RPA1: variants seen among roughly 807,000 people sequenced by gnomAD.
RPA1 encodes replication protein A1.
RPA1 carries 49 observed loss-of-function variants against 83.0 expected under a neutral mutation model. That is an observed-to-expected ratio of 0.59 (90% CI 0.47 to 0.75). RPA1 has a LOEUF of 0.75. RPA1 is among the 30% of genes least tolerant of loss of function. The pLI is 0.00. For missense variants in RPA1, 693 were observed against 776.1 expected (o/e 0.89, Z 1.27); for synonymous variants, 279 against 281.8 (o/e 0.99, Z 0.10).
intron 12 of RPA1, among the ~76,000 whole-genome samples, chr17:1,880,998 C>G (rs562335172): frequency 1.3e-5 from 2 of 152,208 alleles, no homozygotes; most frequent in Non-Finnish European, 2.9e-5. Context: ...CTGAAGGCGC[C>G]TTTCTTTCCA....
In RPA1 at chr17:1,897,377, T is replaced by C; in HGVS notation, c.*202T>C. ...GCTCAGGTGGTTGTGGTGTAGACTG[T>C]GTCAGGCCTACGGAGTCAGCCAGTG... On this transcript the variant is annotated 3_prime_UTR_variant, in exon 17 of 17. Coordinates refer to ENST00000254719, the MANE Select transcript of RPA1 (RefSeq NM_002945.5). The C allele has an allele frequency of 1.9e-6, 1 of 531,922 alleles. No homozygotes were observed. The highest frequency in any genetic ancestry group is 3.3e-6 in the Non-Finnish European group (1 of 300,818). 33.0% of individuals were successfully genotyped at this position (531,922 alleles called of 1,614,324 possible).
intron 5 of RPA1, among the ~76,000 whole-genome samples, chr17:1,870,451 T>A (rs4494585): frequency 0.26 from 38,855 of 152,154 alleles, 5,855 homozygotes; most frequent in East Asian, 0.41. Flanking sequence ...GTCACATTTT[T>A]AAAAATTGTG....
intron 12 of RPA1, among the ~76,000 whole-genome samples, chr17:1,883,041 C>T (rs1056111068): frequency 2.0e-5 from 3 of 152,068 alleles, no homozygotes; most frequent in African/African-American, 7.2e-5. Flanking sequence ...GACTTTGGGC[C>T]AGGAGCAGTG....
chr17:1,853,032 A>T (rs557277873), intron 4 of RPA1, 69 bp from the exon 5 acceptor site: 1 of 1,206,190 alleles, frequency 8.3e-7, no homozygotes, highest in African/African-American at 1.5e-5. Context: ...CGGGGAAAGC[A>T]TTTTGAGTAG....
chr17:1,844,583 A>AT lies in RPA1; in HGVS notation c.170dup (p.Met57IlefsTer50), dbSNP rs746222977. 1 of 1,612,684 alleles carries AT rather than the reference A, an allele frequency of 6.2e-7. No individual in the cohort carries two copies. Among genetic ancestry groups the AT allele is most frequent in the South Asian group, 1.1e-5 (1 of 90,604 alleles). ...GAAATCTCTGTGGTTTTCAGCTTTC[A>AT]TGTTGGCGACACAGTTGAACCCTCT... On this transcript the variant is annotated frameshift_variant, in exon 4 of 17. Transcript: ENST00000254719. LOFTEE classifies it high-confidence loss of function.
chr17:1,871,910 A>G (rs571536330), intron 5 of RPA1, among the ~76,000 whole-genome samples: 1 of 152,158 alleles, frequency 6.6e-6, no homozygotes, highest in Non-Finnish European at 1.5e-5. Context: ...GTTGCAAAAT[A>G]AGGTTGCTTT....
At chr17:1,834,480 GAC>G (rs1159529702) in intron 1 of RPA1, among the ~76,000 whole-genome samples, 1 of 152,182 alleles carries the variant, frequency 6.6e-6, no homozygotes, top group African/African-American at 2.4e-5. Context: ...AACCTTTGCT[GAC>G]TTTCATTATC....
At chr17:1,877,735 C>T (rs1013859813) in intron 8 of RPA1, among the ~76,000 whole-genome samples, 2 of 152,106 alleles carry the variant, frequency 1.3e-5, no homozygotes, top group Non-Finnish European at 2.9e-5. Context: ...TTGTGAGCGC[C>T]GTGGAGCTTT....
intron 1 of RPA1, among the ~76,000 whole-genome samples, chr17:1,832,607 G>A (rs188671807): frequency 7.9e-4 from 120 of 151,894 alleles, no homozygotes; most frequent in African/African-American, 2.7e-3. Context: ...GGCTGGTCTC[G>A]AACTCCTGAC....
At chr17:1,837,180 G>A (rs1046926068) in intron 1 of RPA1, among the ~76,000 whole-genome samples, 2 of 152,030 alleles carry the variant, frequency 1.3e-5, no homozygotes, top group Non-Finnish European at 2.9e-5. Context: ...TGTTGTCCAG[G>A]ATGATCTTGA....
chr17:1,893,664 T>G (rs1914282339), intron 15 of RPA1, among the ~76,000 whole-genome samples: 1 of 152,190 alleles, frequency 6.6e-6, no homozygotes, highest in Non-Finnish European at 1.5e-5. Flanking sequence ...CTAATTCTTG[T>G]CTGTTTACCA....
At chr17:1,878,832 G>T (rs1913661795) in intron 8 of RPA1, among the ~76,000 whole-genome samples, 161 bp from the exon 9 acceptor site, 1 of 152,128 alleles carries the variant, frequency 6.6e-6, no homozygotes, top group East Asian at 1.9e-4. Flanking sequence ...GGGTTCCTGG[G>T]ATGTCCGTAG....
At chr17:1,841,009 GTGAGC>G (rs1912025628) in intron 1 of RPA1, among the ~76,000 whole-genome samples, 1 of 152,174 alleles carries the variant, frequency 6.6e-6, no homozygotes. Context: ...AGAGGTTGCA[GTGAGC>G]TGAGATTGCA....
rs542164642 is a variant in RPA1 at position 1,894,121 on chromosome 17, G to A, written c.1660-888G>A. ...TGGCCTCAAGCAGTCCTCCCACCTC[G>A]GTCTCCCAAAACATTGGGATTATAG... is the stretch of plus-strand genomic sequence containing the variant. On this transcript the variant is annotated intron_variant, in intron 15 of 16. Transcript: ENST00000254719. Among the ~76,000 whole-genome samples, 10 of 149,104 alleles carry A rather than the reference G, an allele frequency of 6.7e-5. 1 individual carries two copies. The highest frequency in any genetic ancestry group is 4.3e-4 in the South Asian group (2 of 4,698).
chr17:1,854,660 C>T (rs934767182), intron 5 of RPA1, among the ~76,000 whole-genome samples: 1 of 152,130 alleles, frequency 6.6e-6, no homozygotes, highest in South Asian at 2.1e-4. Flanking sequence ...GCTGTGATGG[C>T]ACCACTGCCC....
chr17:1,872,117 C>G (rs1347800599), intron 5 of RPA1: 1 of 337,654 alleles, frequency 3.0e-6, no homozygotes, highest in African/African-American at 2.1e-5. Context: ...GTCACAGATT[C>G]AACCCAGTGA....
chr17:1,869,254 C>G (rs183727029), intron 5 of RPA1, among the ~76,000 whole-genome samples: 1 of 152,050 alleles, frequency 6.6e-6, no homozygotes, highest in African/African-American at 2.4e-5. Flanking sequence ...TATCCTGTTT[C>G]GGCCGGGCAT....
At chr17:1,838,847 A>AT (rs1350284185) in intron 1 of RPA1, among the ~76,000 whole-genome samples, 2 of 151,782 alleles carry the variant, frequency 1.3e-5, no homozygotes, top group Non-Finnish European at 2.9e-5. Flanking sequence ...TTATTTATTT[A>AT]TTTTTTTAAT....
intron 1 of RPA1, among the ~76,000 whole-genome samples, chr17:1,839,779 G>A (rs1245634543): frequency 2.1e-5 from 3 of 140,552 alleles, no homozygotes; most frequent in Admixed American, 7.5e-5. Context: ...GGACGACTGC[G>A]CCCAGCTAGT....
Sources: gnomAD v4.1 joint callset for allele counts (sites outside exome capture counted in the v4.1 genomes callset) on GRCh38, gnomAD v4.1.1 for gene constraint, MANE v1.5 for transcripts, NCBI Gene and HGNC (gene_info 2026-07-23, HGNC 2026-07-21) for gene names.